Variants in VWCE observed in about 807,000 individuals in gnomAD.
The protein encoded by VWCE is von Willebrand factor C and EGF domain-containing protein.
Under a neutral mutation model 102.9 loss-of-function variants are expected in VWCE, and 68 were observed. That is an observed-to-expected ratio of 0.66 (90% confidence interval 0.54 to 0.81). VWCE has a LOEUF of 0.81. Ranked by LOEUF, VWCE falls within the 30% of genes least tolerant of loss-of-function variation. The probability of loss-of-function intolerance (pLI) is 0.00; values close to 1 mark genes in which losing one functional copy is unlikely to be tolerated. For missense variants in VWCE, 1,137 were observed against 1,263.6 expected (o/e 0.90, Z 1.52); for synonymous variants, 497 against 515.4 (o/e 0.96, Z 0.48).
In VWCE at chr11:61,263,294, G is replaced by A. The variant is rs551279959; in HGVS notation, c.2230+1193C>T. 4.9e-5 allele frequency among the ~76,000 whole-genome samples: 7 copies of A among 143,450 alleles called. No individual in the cohort carries two copies. The South Asian group carries it at 1.5e-3, about 32-fold the overall frequency. The allele number at this position is 143,450 out of a possible 152,430, so 94.1% of individuals were successfully genotyped here. A position where few individuals can be genotyped will look rare whatever the true frequency, so the allele number is the denominator to read the frequency against. ...TGCACTCCAGCCTGGGTGACAGAGT[G>A]AGAATCCTCAAAAAAAAAAAAAAAA... is the stretch of plus-strand genomic sequence containing the variant. On this transcript the variant is annotated intron_variant, in intron 19 of 19. Transcript: ENST00000335613.
At position 61,267,537 on chromosome 11, in the gene VWCE, G is replaced by C; in HGVS notation, c.1890C>G (p.Thr630=). 6.2e-7 allele frequency: 1 copy of C among 1,614,168 alleles called. No individual in the cohort carries two copies. Among genetic ancestry groups the C allele is most frequent in the Non-Finnish European group, 8.5e-7 (1 of 1,180,028 alleles). Residue 630 remains threonine, a synonymous_variant, in exon 16 of 20, where the codon ACC becomes ACG. Coordinates refer to ENST00000335613, the MANE Select transcript of VWCE (RefSeq NM_152718.2). ...TGTTATAGAAGATTCTGCCTGTGTA[G>C]GTGCAGCCTGCCAGAGAGAGCATGC... The part of the protein sequence containing the change: ...QCCPDCSAGC[T]YTGRIFYNNE...
At position 61,277,873 on chromosome 11, in the gene VWCE, C is replaced by T. The variant is rs113957294; in HGVS notation, c.1407+521G>A. 3.3e-5 allele frequency among the ~76,000 whole-genome samples: 5 copies of T among 152,184 alleles called. 1 individual carries two copies. Among genetic ancestry groups the T allele is most frequent in the African/African-American group, 1.2e-4 (5 of 41,504 alleles). Reference sequence around the variant, plus strand: ...TTTTTTTTTAAGACAGAGGCTCGCTCTGTCGCCCAGGCTGGAGAGCAGTGG... The same window carrying T: ...TTTTTTTTTAAGACAGAGGCTCGCTTTGTCGCCCAGGCTGGAGAGCAGTGG... On this transcript the variant is annotated intron_variant, in intron 10 of 19. Coordinates refer to ENST00000335613, the MANE Select transcript of VWCE (RefSeq NM_152718.2).
intron 19 of VWCE, among the ~76,000 whole-genome samples, chr11:61,260,741 C>T (rs1854330244): frequency 6.6e-6 from 1 of 152,068 alleles, no homozygotes; most frequent in African/African-American, 2.4e-5. Flanking sequence ...GCTGAATATC[C>T]ATGTGTCACA....
At chr11:61,265,912 G>C (rs558211492) in intron 16 of VWCE, among the ~76,000 whole-genome samples, 1 of 152,028 alleles carries the variant, frequency 6.6e-6, no homozygotes. Context: ...TGGGCGTGGT[G>C]GTGCGCACCT....
In VWCE at chr11:61,280,957, G is replaced by T; in HGVS notation, c.1066C>A (p.Pro356Thr). 2 of 1,534,542 alleles carry T rather than the reference G, an allele frequency of 1.3e-6. No homozygotes were observed. Among genetic ancestry groups the T allele is most frequent in the East Asian group, 2.3e-5 (1 of 44,178 alleles). Residue 356 changes from proline to threonine, a missense_variant, in exon 8 of 20, where the codon CCC becomes ACC. Pro to Thr is a conservative substitution (Grantham distance 38). Coordinates refer to ENST00000335613, the MANE Select transcript of VWCE (RefSeq NM_152718.2). ...PTASLLGNLR[P>T]PSLLQGEVMG... is the part of the protein sequence containing the mutation. ...ACCTCCCCCTGAAGGAGTGAGGGGGGTCTGAGGTTCCCCAGCAGGGAGGCA... is the reference window on the plus strand; with the variant it reads ...ACCTCCCCCTGAAGGAGTGAGGGGGTTCTGAGGTTCCCCAGCAGGGAGGCA...
rs778826936 is a variant in VWCE at position 61,280,905 on chromosome 11, C to T, written c.1118G>A (p.Gly373Asp). 6.5e-7 allele frequency: 1 copy of T among 1,528,852 alleles called. No homozygotes were observed. Among genetic ancestry groups the T allele is most frequent in the Non-Finnish European group, 8.8e-7 (1 of 1,140,698 alleles). The allele number at this position is 1,528,852 out of a possible 1,614,324, so 94.7% of individuals were successfully genotyped here. Residue 373 changes from glycine to aspartate, a missense_variant, in exon 8 of 20, where the codon GGC (glycine) becomes GAC (aspartate). Physicochemically the swap from Gly to Asp is moderately conservative, Grantham distance 94 (BLOSUM62 -1). This residue lies in a region of VWCE where 575 missense variants were observed against 625.9 expected (regional missense o/e 0.92). Transcript: ENST00000335613. Reference sequence around the variant, plus strand: ...TGCTGCCAGTCGGGGGGACTCAGGGCCCCTGGGTGAGGAAGGGGTCCCCAT... The same window carrying T: ...TGCTGCCAGTCGGGGGGACTCAGGGTCCCTGGGTGAGGAAGGGGTCCCCAT... ...EVMGTPSSPRGPESPRLAAGP... is the reference protein window; with the variant it reads ...EVMGTPSSPRDPESPRLAAGP...
intron 19 of VWCE, among the ~76,000 whole-genome samples, chr11:61,261,209 G>C (rs2134726791): frequency 6.7e-6 from 1 of 148,298 alleles, no homozygotes; most frequent in Non-Finnish European, 1.5e-5. Context: ...AACAGAGAGA[G>C]ACTCCATCTC....
At chr11:61,285,305 T>C (rs572415556) in intron 5 of VWCE, among the ~76,000 whole-genome samples, 1 of 152,288 alleles carries the variant, frequency 6.6e-6, no homozygotes, top group Non-Finnish European at 1.5e-5. Context: ...TAATGTAAGA[T>C]TCAGGGGGAG....
Position 61,259,263 on chromosome 11 carries a change from A to G in VWCE, c.2280T>C (p.Asn760=). Residue 760 remains asparagine, a synonymous_variant, in exon 20 of 20, where the codon AAT becomes AAC. Coordinates refer to ENST00000335613, the MANE Select transcript of VWCE (RefSeq NM_152718.2). ...EEKQGLSPHG[N]VAFSKAGRSL... ...TCCGACCAGCTTTGCTGAATGCCAC[A>G]TTTCCGTGAGGGGAGAGCCCCTGCT... The G allele has an allele frequency of 1.9e-6, 3 of 1,607,948 alleles. No individual in the cohort carries two copies. The highest frequency in any genetic ancestry group is 2.6e-6 in the Non-Finnish European group (3 of 1,175,948).
In VWCE at chr11:61,265,011, G is replaced by A. The variant is rs1590613841; in HGVS notation, c.2084C>T (p.Ala695Val). 2 of 1,614,166 alleles carry A rather than the reference G, an allele frequency of 1.2e-6. No individual in the cohort carries two copies. The highest frequency in any genetic ancestry group is 1.7e-4 in the Middle Eastern group (1 of 6,058). Residue 695 changes from alanine (A) to valine (V), a missense_variant, in exon 18 of 20, where the codon GCG (alanine) becomes GTG (valine). By Grantham distance (64) the Ala-to-Val change is moderately conservative. Around this residue, in one of 5 missense-constraint regions of VWCE, gnomAD observed 29 missense variants for 62.9 expected, o/e 0.46. Transcript: ENST00000335613. ...ATCCAAGGTGAACACCTGGCCATTC[G>A]CCACCTTCCTTCCCTCGTAGTTGCA... ...RDCNYEGRKV[A>V]NGQVFTLDDE...
At chr11:61,287,421 G>A (rs762831470) in intron 4 of VWCE, among the ~76,000 whole-genome samples, 8 of 152,210 alleles carry the variant, frequency 5.3e-5, no homozygotes, top group Non-Finnish European at 1.2e-4. Context: ...GCCCTCAAAC[G>A]GGCAGAGGGC....
At chr11:61,268,867 G>A (rs1854587673) in intron 15 of VWCE, 55 bp downstream of exon 15, 4 of 1,578,470 alleles carry the variant, frequency 2.5e-6, no homozygotes, top group Non-Finnish European at 3.5e-6. Context: ...GGCTTAAGGA[G>A]CCCGATGCCT....
intron 11 of VWCE, among the ~76,000 whole-genome samples, chr11:61,275,466 G>A (rs1854874427): frequency 6.6e-6 from 1 of 152,056 alleles, no homozygotes; most frequent in African/African-American, 2.4e-5. Context: ...AGACTACACT[G>A]ACTATGCAAA....
Position 61,273,189 on chromosome 11 carries a change from A to T in VWCE, c.1699+10T>A. ...ATGCCCTGTGTCGGGGCAGCCCTGG[A>T]CCAGCTCACCTGTCGAGGGTGTGGG... On this transcript the variant is annotated intron_variant, in intron 13 of 19. Transcript: ENST00000335613. 2 of 1,613,728 alleles carry T rather than the reference A, an allele frequency of 1.2e-6. No individual in the cohort carries two copies. Among genetic ancestry groups the T allele is most frequent in the East Asian group, 4.5e-5 (2 of 44,858 alleles).
At chr11:61,265,892 A>C (rs1204696353) in intron 16 of VWCE, among the ~76,000 whole-genome samples, 1 of 151,998 alleles carries the variant, frequency 6.6e-6, no homozygotes, top group Non-Finnish European at 1.5e-5. Context: ...CTAAAAGCAC[A>C]AAAATTAGCT....
chr11:61,268,984 C>T lies in VWCE; in HGVS notation c.1820G>A (p.Cys607Tyr), dbSNP rs1446294926. The change falls in exon 15 of 20, where the codon TGT becomes TAT. Residue 607 changes from cysteine to tyrosine, a missense_variant. By Grantham distance (194) the Cys-to-Tyr change is radical (BLOSUM62 -2). Around this residue, in one of 5 missense-constraint regions of VWCE, gnomAD observed 212 missense variants for 235.1 expected, o/e 0.90. Transcript: ENST00000335613. Reference protein sequence around the residue: ...DGSVSCKRTDCVDSCPHPIRI... With the variant: ...DGSVSCKRTDYVDSCPHPIRI... ...GATCGGGTGAGGGCAGGAGTCCACA[C>T]AGTCTGTCCTCTTGCAGCTCACCGA... 1 of 1,614,134 alleles carries T rather than the reference C, an allele frequency of 6.2e-7. No individual in the cohort carries two copies. Among genetic ancestry groups the T allele is most frequent in the South Asian group, 1.1e-5 (1 of 91,078 alleles).
intron 18 of VWCE, 36 bp downstream of exon 18, chr11:61,264,920 G>A (rs754395336): frequency 1.2e-6 from 2 of 1,608,484 alleles, no homozygotes; most frequent in Non-Finnish European, 1.7e-6. Context: ...GCTGCCCTCT[G>A]GCGGGGCCGC....
At chr11:61,267,686 A>G in intron 15 of VWCE, 142 bp from the exon 16 acceptor site, 1 of 707,110 alleles carries the variant, frequency 1.4e-6, no homozygotes. Flanking sequence ...GAGTTAGGGA[A>G]GGGACAAAAC....
At position 61,294,937 on chromosome 11, in the gene VWCE, G is replaced by A; in HGVS notation, c.101C>T (p.Ala34Val). 1.4e-6 allele frequency: 2 copies of A among 1,440,634 alleles called. No homozygotes were observed. The highest frequency in any genetic ancestry group is 2.4e-5 in the Admixed American group (1 of 40,920). The allele number at this position is 1,440,634 out of a possible 1,614,324, so 89.2% of individuals were successfully genotyped here. The change falls in exon 1 of 20, where the codon GCG becomes GTG. Residue 34 changes from alanine (A) to valine (V), a missense_variant. This residue lies in a region of VWCE where 575 missense variants were observed against 625.9 expected (regional missense o/e 0.92). Transcript: ENST00000335613. This position sits in a 1 kb window ranked among gnomAD's most constrained non-coding sequence, Gnocchi z 6.3. ...AGCTCCGGGCGCTTACCTCTCGGCC[G>A]CGAAGTGCCCGGGCGGCTTCCTCCC... is the stretch of plus-strand genomic sequence containing the variant. ...YTGRKPPGHFAAERRRLGPHV... is the reference protein window; with the variant it reads ...YTGRKPPGHFVAERRRLGPHV...
Sources: allele counts gnomAD v4.1 joint callset (sites outside exome capture counted in the v4.1 genomes callset), GRCh38; gene constraint gnomAD v4.1.1; regional missense constraint gnomAD v4.1.1; non-coding constraint Gnocchi (gnomAD v3.1); transcripts MANE v1.5; gene names NCBI Gene and HGNC (gene_info 2026-07-23, HGNC 2026-07-21).